Variants in DTWD2 observed in about 807,000 individuals in gnomAD.
DTWD2 encodes the protein tRNA-uridine aminocarboxypropyltransferase 2.
DTWD2 carries 39 observed loss-of-function variants against 31.8 expected under a neutral mutation model. The ratio of observed to expected loss-of-function variants is 1.22; its 90% CI spans 0.95 to 1.60. The LOEUF (loss-of-function observed/expected upper bound fraction) is 1.60, where lower values mean the gene tolerates loss of function less well. Ranked by LOEUF, DTWD2 falls within the 40% of genes most tolerant of loss-of-function variation. The pLI, the probability that DTWD2 is intolerant of heterozygous loss-of-function variation, is 0.00. For synonymous variants in DTWD2, 180 were observed against 142.8 expected (o/e 1.26, Z -1.86); for missense variants, 515 against 381.5 (o/e 1.35, Z -2.92).
chr5:118,930,282 C>T (rs1753894885), intron 3 of DTWD2, among the ~76,000 whole-genome samples: 3 of 152,062 alleles, frequency 2.0e-5, no homozygotes, highest in African/African-American at 4.8e-5. Flanking sequence ...CTTTTTGGTA[C>T]TGGAGACAAA....
intron 4 of DTWD2, among the ~76,000 whole-genome samples, chr5:118,853,510 A>G (rs1158079121): frequency 3.3e-5 from 5 of 152,220 alleles, no homozygotes; most frequent in Admixed American, 6.5e-5. Flanking sequence ...GGTGCCCATC[A>G]CTGGTAAATT....
chr5:118,855,037 T>C (rs781176357), intron 4 of DTWD2, among the ~76,000 whole-genome samples: 3 of 151,464 alleles, frequency 2.0e-5, no homozygotes, highest in Non-Finnish European at 4.4e-5. Flanking sequence ...CGTGGTGGCA[T>C]GCACCTGTGG....
intron 4 of DTWD2, among the ~76,000 whole-genome samples, chr5:118,925,160 A>ACT (rs1286903207): frequency 6.6e-6 from 1 of 152,242 alleles, no homozygotes; most frequent in Admixed American, 6.5e-5. Context: ...ACCCAACAAC[A>ACT]GAGCAGATAA....
intron 4 of DTWD2, among the ~76,000 whole-genome samples, chr5:118,883,681 T>C (rs549328380): frequency 6.3e-4 from 96 of 152,242 alleles, no homozygotes; most frequent in African/African-American, 2.2e-3. Flanking sequence ...GACACTTTTA[T>C]AACCATCAGA....
intron 4 of DTWD2, among the ~76,000 whole-genome samples, chr5:118,858,173 A>C (rs942870816): frequency 2.4e-4 from 34 of 140,134 alleles, no homozygotes; most frequent in Non-Finnish European, 3.7e-4. Context: ...TTCACATGGC[A>C]AAAAAAAAAA....
chr5:118,956,666 T>G (rs944015973), intron 1 of DTWD2, among the ~76,000 whole-genome samples: 1 of 152,226 alleles, frequency 6.6e-6, no homozygotes, highest in Non-Finnish European at 1.5e-5. Context: ...ATAAGTAAAC[T>G]TTAAAGATTA....
intron 1 of DTWD2, among the ~76,000 whole-genome samples, chr5:118,950,668 G>C (rs896777163): frequency 6.6e-6 from 1 of 152,204 alleles, no homozygotes; most frequent in African/African-American, 2.4e-5. Context: ...TCCAGCACTT[G>C]AAGCAAGATC....
At chr5:118,862,120 T>C (rs1426295377) in intron 4 of DTWD2, among the ~76,000 whole-genome samples, 1 of 152,206 alleles carries the variant, frequency 6.6e-6, no homozygotes, top group Non-Finnish European at 1.5e-5. Context: ...AACCCTATCA[T>C]GAATTGCACA....
Position 118,956,259 on chromosome 5 carries a change from G to T in DTWD2, c.219-11610C>A, listed in dbSNP as rs571229112. ...TAATGTATTTACAATGTATTTTTCCGCTCATCGGGGTTTATCTTCTTTAAA... is the reference window on the plus strand; with the variant it reads ...TAATGTATTTACAATGTATTTTTCCTCTCATCGGGGTTTATCTTCTTTAAA... On this transcript the variant is annotated intron_variant, in intron 1 of 5. Transcript: ENST00000510708. Among the ~76,000 whole-genome samples, 9 of 152,172 alleles carry T rather than the reference G, an allele frequency of 5.9e-5. No homozygotes were observed. In the South Asian group the frequency reaches 1.9e-3, roughly 32 times the overall value.
At position 118,882,655 on chromosome 5, in the gene DTWD2, G is replaced by A. The variant is rs543377247; in HGVS notation, c.598-34437C>T. On this transcript the variant is annotated intron_variant, in intron 4 of 5. Transcript: ENST00000510708. ...ACTTCTGCACACCTGCAGGCCCAAG[G>A]CACATGGAAATTGCCAAAGCTTGGG... is the stretch of plus-strand genomic sequence containing the variant. 2.6e-5 allele frequency among the ~76,000 whole-genome samples: 4 copies of A among 152,346 alleles called. No homozygotes were observed. The East Asian group carries it at 5.8e-4, about 22-fold the overall frequency.
At chr5:118,879,165 C>A (rs1297056652) in intron 4 of DTWD2, among the ~76,000 whole-genome samples, 4 of 152,110 alleles carry the variant, frequency 2.6e-5, no homozygotes, top group Non-Finnish European at 5.9e-5. Context: ...ATAAATCATT[C>A]TATTATAAAG....
At chr5:118,906,369 C>G (rs923700175) in intron 4 of DTWD2, among the ~76,000 whole-genome samples, 5 of 152,142 alleles carry the variant, frequency 3.3e-5, no homozygotes, top group African/African-American at 1.2e-4. Flanking sequence ...AAAAAGAAAG[C>G]ATGCGTCCAC....
chr5:118,925,138 T>G (rs1304636945), intron 4 of DTWD2, among the ~76,000 whole-genome samples: 1 of 152,238 alleles, frequency 6.6e-6, no homozygotes, highest in East Asian at 1.9e-4. Context: ...ACTAAGTGTA[T>G]GGCTTGTATG....
rs116576925 is a variant in DTWD2, at chr5:118,974,041, G to C, written c.218+14253C>G. The C allele has an allele frequency of 5.6e-4, 907 of 1,606,302 alleles. 7 individuals are homozygous for C. In the African/African-American group the frequency reaches 0.011, roughly 19 times the overall value. ...ATGGAGATGAAGATGAGGAAGCTGA[G>C]ACAGCTACGGGCAAGCGGGCAGCTG... is the stretch of plus-strand genomic sequence containing the variant. On this transcript the variant is annotated intron_variant, in intron 1 of 5. Transcript: ENST00000510708.
intron 3 of DTWD2, among the ~76,000 whole-genome samples, chr5:118,938,353 G>C (rs910856247): frequency 1.3e-5 from 2 of 152,108 alleles, no homozygotes; most frequent in African/African-American, 4.8e-5. Flanking sequence ...AAAGTTACTG[G>C]ATATGGGGTT....
At chr5:118,903,189 G>A (rs545523604) in intron 4 of DTWD2, among the ~76,000 whole-genome samples, 2 of 150,248 alleles carry the variant, frequency 1.3e-5, no homozygotes, top group African/African-American at 4.9e-5. Flanking sequence ...CTAACATAGT[G>A]ACAATATTGC....
Position 118,928,594 on chromosome 5 carries a change from T to G in DTWD2, c.540A>C (p.Thr180=). The part of the protein sequence containing the change: ...YPSTIIIIDG[T]WSQAKDIFYK... ...AGAAAATGTCCTTAGCCTGGCTCCATGTACCATCAATGATGATGATTGTAG... is the reference window on the plus strand; with the variant it reads ...AGAAAATGTCCTTAGCCTGGCTCCAGGTACCATCAATGATGATGATTGTAG... Residue 180 remains threonine, a synonymous_variant, in exon 4 of 6, where the codon ACA becomes ACC. Transcript: ENST00000510708. The G allele has an allele frequency of 1.3e-6, 2 of 1,590,684 alleles. No homozygotes were observed. Among genetic ancestry groups the G allele is most frequent in the Non-Finnish European group, 1.7e-6 (2 of 1,168,678 alleles).
At chr5:118,877,493 A>T (rs1380860725) in intron 4 of DTWD2, among the ~76,000 whole-genome samples, 1 of 152,034 alleles carries the variant, frequency 6.6e-6, no homozygotes, top group Admixed American at 6.6e-5. Context: ...AAATAAAAAA[A>T]ATAAAAAAAG....
At chr5:118,966,841 C>T (rs952347650) in intron 1 of DTWD2, among the ~76,000 whole-genome samples, 1 of 151,996 alleles carries the variant, frequency 6.6e-6, no homozygotes, top group Non-Finnish European at 1.5e-5. Flanking sequence ...AACAGCCTGA[C>T]CAATGTGGTG....
Sources: allele counts gnomAD v4.1 joint callset (sites outside exome capture counted in the v4.1 genomes callset), GRCh38; gene constraint gnomAD v4.1.1; transcripts MANE v1.5; gene names NCBI Gene and HGNC (gene_info 2026-07-23, HGNC 2026-07-21).